PXDN: variants seen among roughly 807,000 people sequenced by gnomAD.
PXDN encodes the protein peroxidasin homolog.
A neutral mutation model predicts 140.3 loss-of-function variants in PXDN; 77 were observed. The observed-to-expected ratio is 0.55, with a 90% CI of 0.46 to 0.66. PXDN has a LOEUF of 0.66. Among genes scored for constraint, PXDN ranks in the 30% least tolerant of loss-of-function variants. The pLI, the probability that PXDN is intolerant of heterozygous loss-of-function variation, is 0.00. For synonymous variants in PXDN, 911 were observed against 857.4 expected (o/e 1.06, Z -1.09); for missense variants, 1,838 against 2,039.5 (o/e 0.90, Z 1.90).
chr2:1,716,663 G>A (rs534774467), intron 1 of PXDN, among the ~76,000 whole-genome samples: 78 of 152,142 alleles, frequency 5.1e-4, no homozygotes, highest in African/African-American at 1.7e-3. Context: ...GGAAAGAGAC[G>A]GGCACCTGCA....
rs917914664 is a variant in PXDN, at chr2:1,685,098, A to G, written c.417-947T>C. Among the ~76,000 whole-genome samples the G allele has an allele frequency of 1.1e-4, 17 of 152,232 alleles. No homozygotes were observed. The highest frequency in any genetic ancestry group is 3.9e-4 in the African/African-American group (16 of 41,472). On this transcript the variant is annotated intron_variant, in intron 4 of 22. Coordinates refer to ENST00000252804, the MANE Select transcript of PXDN (RefSeq NM_012293.3). This position sits in a 1 kb window ranked among gnomAD's most constrained non-coding sequence, Gnocchi z 5.1. Reference sequence around the variant, plus strand: ...CTGTGGACATCCTGAGATCACCGTCACCACCAGGGCACCAGAGTGCGGCTG... The same window carrying G: ...CTGTGGACATCCTGAGATCACCGTCGCCACCAGGGCACCAGAGTGCGGCTG...
chr2:1,675,775 T>G (rs1683689408), intron 8 of PXDN, among the ~76,000 whole-genome samples: 1 of 143,200 alleles, frequency 7.0e-6, no homozygotes, highest in Non-Finnish European at 1.5e-5. Context: ...TGACTCAGTT[T>G]GTGCCTCATC....
intron 12 of PXDN, 148 bp downstream of exon 12, chr2:1,663,457 G>T (rs1266982488): frequency 9.3e-6 from 10 of 1,072,882 alleles, no homozygotes; most frequent in Non-Finnish European, 1.3e-5. Flanking sequence ...CACCCTGGGG[G>T]CACAAGCACA....
upstream of PXDN, chr2:1,744,556 G>T: frequency 9.9e-7 from 1 of 1,008,554 alleles, no homozygotes; most frequent in Non-Finnish European, 1.3e-6. Flanking sequence ...GTGCGCGGGG[G>T]GCGGGGGGCG....
rs189116905 is a variant in PXDN at position 1,662,216 on chromosome 2, C to A, written c.1568-32G>T. On this transcript the variant is annotated intron_variant, in intron 12 of 22. Coordinates refer to ENST00000252804, the MANE Select transcript of PXDN (RefSeq NM_012293.3). Reference sequence around the variant, plus strand: ...GGCAGATGTAGAGAATCCAGGAGAACGAGTCAATTACATCAAAAAACTTCA... The same window carrying A: ...GGCAGATGTAGAGAATCCAGGAGAAAGAGTCAATTACATCAAAAAACTTCA... 4.0e-5 allele frequency: 61 copies of A among 1,534,990 alleles called. 1 individual carries two copies. In the Middle Eastern group the frequency reaches 8.3e-4, roughly 21 times the overall value.
intron 13 of PXDN, 56 bp downstream of exon 13, chr2:1,662,016 C>A: frequency 6.8e-7 from 1 of 1,471,754 alleles, no homozygotes; most frequent in Non-Finnish European, 9.3e-7. Flanking sequence ...GGTGTGGGTG[C>A]CAGCCCGTCT....
At chr2:1,743,822 G>A (rs1011603005) in intron 1 of PXDN, among the ~76,000 whole-genome samples, 1 of 147,020 alleles carries the variant, frequency 6.8e-6, no homozygotes. Flanking sequence ...GGGAGCGGAG[G>A]GGGACCGAGG....
chr2:1,686,160 A>G (rs1450249744), intron 4 of PXDN, among the ~76,000 whole-genome samples: 1 of 152,176 alleles, frequency 6.6e-6, no homozygotes, highest in Non-Finnish European at 1.5e-5. Flanking sequence ...CCTTTGCCCA[A>G]GTCTCTCACT....
chr2:1,680,230 G>C lies in PXDN; in HGVS notation c.693C>G (p.Arg231=). 2 of 1,602,728 alleles carry C rather than the reference G, an allele frequency of 1.2e-6. No individual in the cohort carries two copies. The highest frequency in any genetic ancestry group is 1.7e-6 in the Non-Finnish European group (2 of 1,174,670). Residue 231 remains arginine, a synonymous_variant, in exon 7 of 23, where the codon CGC becomes CGG. Coordinates refer to ENST00000252804, the MANE Select transcript of PXDN (RefSeq NM_012293.3). ...CTTCCGGGGTGATGGTTGCCACTGA[G>C]CGTCCCTGGATGCGTCTGGGATATT... The part of the protein sequence containing the change: ...ICEYPRRIQG[R]SVATITPEEL...
chr2:1,649,109 A>C lies in PXDN; in HGVS notation c.2671T>G (p.Ser891Ala). Residue 891 changes from serine (S) to alanine (A), a missense_variant, in exon 17 of 23, where the codon TCG becomes GCG. This residue lies in a region of PXDN where 850 missense variants were observed against 894.1 expected (regional missense o/e 0.95). Transcript: ENST00000252804. The surrounding 1 kb of genome is among the most constrained non-coding windows in gnomAD (Gnocchi z 7.1). Reference protein sequence around the residue: ...SSPVCGSGMTSLLMNSVYPRE... With the variant: ...SSPVCGSGMTALLMNSVYPRE... ...GGGTACACGGAGTTCATGAGCAGCGAAGTCATGCCGCTGCCGCACACAGGG... is the reference window on the plus strand; with the variant it reads ...GGGTACACGGAGTTCATGAGCAGCGCAGTCATGCCGCTGCCGCACACAGGG... 1 of 1,612,334 alleles carries C rather than the reference A, an allele frequency of 6.2e-7. No homozygotes were observed. Among genetic ancestry groups the C allele is most frequent in the Non-Finnish European group, 8.5e-7 (1 of 1,179,716 alleles).
At chr2:1,720,722 TCTCA>T (rs1285412652) in intron 1 of PXDN, among the ~76,000 whole-genome samples, 5,545 of 40,440 alleles carry the variant, frequency 0.14, 360 homozygotes, top group African/African-American at 0.19. Context: ...TCTCTCTCTC[TCTCA>T]CACACACACA....
chr2:1,655,318 CCACA>C (rs1028768206), intron 14 of PXDN, among the ~76,000 whole-genome samples: 3 of 150,774 alleles, frequency 2.0e-5, no homozygotes, highest in South Asian at 2.1e-4. Flanking sequence ...CACACACACG[CCACA>C]CACAGATACA....
intron 1 of PXDN, among the ~76,000 whole-genome samples, chr2:1,709,762 T>C (rs1357394012): frequency 1.3e-5 from 2 of 152,190 alleles, no homozygotes; most frequent in African/African-American, 4.8e-5. Context: ...ATCATGAGAT[T>C]CGTGTCCTTC....
chr2:1,744,109 T>G, intron 1 of PXDN, 147 bp downstream of exon 1: 17 of 890,140 alleles, frequency 1.9e-5, no homozygotes, highest in East Asian at 6.8e-5. Context: ...CCTTCGGAGG[T>G]TCCCTTCTGC....
intron 1 of PXDN, among the ~76,000 whole-genome samples, chr2:1,720,862 G>T (rs888019478): frequency 6.6e-6 from 1 of 152,110 alleles, no homozygotes; most frequent in African/African-American, 2.4e-5. Flanking sequence ...GTTGGACCTG[G>T]GTGGGCGCCT....
chr2:1,684,989 AAAG>A (rs916689226), intron 4 of PXDN, among the ~76,000 whole-genome samples: 4 of 152,224 alleles, frequency 2.6e-5, no homozygotes, highest in African/African-American at 9.6e-5. Context: ...CAAAATGAGC[AAAG>A]AAGCAGCATG....
rs191086262 is a variant in PXDN, at chr2:1,692,855, C to A, written c.272+208G>T. Among the ~76,000 whole-genome samples, 153 of 152,334 alleles carry A rather than the reference C, an allele frequency of 1.0e-3. 1 individual carries two copies. Among genetic ancestry groups the A allele is most frequent in the African/African-American group, 3.4e-3 (141 of 41,562 alleles). On this transcript the variant is annotated intron_variant, in intron 2 of 22. Transcript: ENST00000252804. ...TGGGTCCCAATCAACATGCCACAGA[C>A]AGGCACACAGCCATGAGACGAGAAA...
intron 1 of PXDN, among the ~76,000 whole-genome samples, chr2:1,713,112 TCCTAGA>T: frequency 6.6e-6 from 1 of 152,242 alleles, no homozygotes; most frequent in East Asian, 1.9e-4. Flanking sequence ...GGCCCCTGGT[TCCTAGA>T]CCTGGTGATC....
Position 1,649,149 on chromosome 2 carries a change from G to A in PXDN, c.2631C>T (p.Phe877=), listed in dbSNP as rs1256316786. 12 of 1,608,450 alleles carry A rather than the reference G, an allele frequency of 7.5e-6. No individual in the cohort carries two copies. Among genetic ancestry groups the A allele is most frequent in the Admixed American group, 1.7e-5 (1 of 59,812 alleles). ...CGCACACAGGGCTGGAGCGCACGAA[G>A]AACATGCAGCGGGCCCCGCTCCTGG... The part of the protein sequence containing the change: ...SRARSGARCM[F]FVRSSPVCGS... Residue 877 remains phenylalanine, a synonymous_variant, in exon 17 of 23, where the codon TTC becomes TTT. Transcript: ENST00000252804. This position sits in a 1 kb window ranked among gnomAD's most constrained non-coding sequence, Gnocchi z 7.1.
Sources: gnomAD v4.1 joint callset for allele counts (sites outside exome capture counted in the v4.1 genomes callset) on GRCh38, gnomAD v4.1.1 for gene constraint, gnomAD v4.1.1 regional missense constraint, Gnocchi (gnomAD v3.1) non-coding constraint, MANE v1.5 for transcripts, NCBI Gene and HGNC (gene_info 2026-07-23, HGNC 2026-07-21) for gene names.